The following GRM4 variants were observed in gnomAD, a reference collection of about 807,000 sequenced individuals.
GRM4 encodes metabotropic glutamate receptor 4.
Under a neutral mutation model 81.7 loss-of-function variants are expected in GRM4, and 28 were observed. The ratio of observed to expected loss-of-function variants is 0.34; its 90% CI spans 0.25 to 0.47. The LOEUF is 0.47. Ranked by LOEUF, GRM4 falls within the 20% of genes least tolerant of loss-of-function variation. The probability of loss-of-function intolerance (pLI) is 1.00; values close to 1 mark genes in which losing one functional copy is unlikely to be tolerated. For synonymous variants in GRM4, 488 were observed against 528.8 expected, an observed-to-expected ratio of 0.92 and a Z score of 1.06; for missense variants, 948 against 1,290.0, an observed-to-expected ratio of 0.73 and a Z score of 4.06.
Position 34,035,777 on chromosome 6 carries a change from G to A in GRM4, c.2333C>T (p.Pro778Leu). Residue 778 changes from proline to leucine, a missense_variant, in exon 9 of 11, where the codon CCC becomes CTC. Transcript: ENST00000538487. The surrounding 1 kb of genome is among the most constrained non-coding windows in gnomAD (Gnocchi z 6.6). ...TVYAIKTRGV[P>L]ETFNEAKPIG... ...GGGCTTGGCCTCATTGAAGGTCTCG[G>A]GCACGCCGCGTGTCTTGATGGCATA... The A allele has an allele frequency of 6.2e-7, 1 of 1,613,700 alleles. No individual in the cohort carries two copies. The highest frequency in any genetic ancestry group is 8.5e-7 in the Non-Finnish European group (1 of 1,179,614).
At chr6:34,117,172 T>C (rs1401547869) in intron 2 of GRM4, among the ~76,000 whole-genome samples, 1 of 151,974 alleles carries the variant, frequency 6.6e-6, no homozygotes, top group African/African-American at 2.4e-5. Flanking sequence ...TAAAGAAAAA[T>C]GTAAAGGAAT....
In GRM4 at chr6:34,130,535, C is replaced by T. The variant is rs1242219846; in HGVS notation, c.519+2443G>A. ...GGCTCTTCACCCCAGGCCCCTCACC[C>T]CACCCTGGCCCTTCCCCATGCTGGG... On this transcript the variant is annotated intron_variant, in intron 2 of 10. Transcript: ENST00000538487. The surrounding 1 kb of genome is among the most constrained non-coding windows in gnomAD (Gnocchi z 4.1). 6.6e-6 allele frequency among the ~76,000 whole-genome samples: 1 copy of T among 152,250 alleles called. No individual in the cohort carries two copies. Among genetic ancestry groups the T allele is most frequent in the Non-Finnish European group, 1.5e-5 (1 of 68,046 alleles).
At chr6:34,095,401 T>C (rs1768466073) in intron 2 of GRM4, among the ~76,000 whole-genome samples, 2 of 152,158 alleles carry the variant, frequency 1.3e-5, no homozygotes, top group Non-Finnish European at 2.9e-5. Context: ...GGAGCTATAC[T>C]GCTTAAGTTC....
intron 3 of GRM4, among the ~76,000 whole-genome samples, chr6:34,076,903 C>G (rs1443477431): frequency 6.6e-6 from 1 of 151,968 alleles, no homozygotes; most frequent in Admixed American, 6.6e-5. Flanking sequence ...AAGACAGGAA[C>G]CAGGTAGGGA....
Position 34,019,988 on chromosome 6 carries a change from A to C in GRM4, c.*2833T>G, listed in dbSNP as rs377009652. 3.8e-4 allele frequency: 58 copies of C among 152,448 alleles called. No homozygotes were observed. Among genetic ancestry groups the C allele is most frequent in the African/African-American group, 1.2e-3 (49 of 41,544 alleles). The allele number at this position is 152,448 out of a possible 1,614,324, so 9.4% of individuals were successfully genotyped here. On this transcript the variant is annotated 3_prime_UTR_variant, in exon 11 of 11. Coordinates refer to ENST00000538487, the MANE Select transcript of GRM4 (RefSeq NM_000841.4). ...CCCTCCCAACTGCTGCAGCAGGTCTAGCTGGCAAAAGTCTTGCTAGGGCCT... is the reference window on the plus strand; with the variant it reads ...CCCTCCCAACTGCTGCAGCAGGTCTCGCTGGCAAAAGTCTTGCTAGGGCCT...
rs76050314 is a variant in GRM4, at chr6:34,112,547, G to A, written c.519+20431C>T. Among the ~76,000 whole-genome samples, 1,449 of 152,264 alleles carry A rather than the reference G, an allele frequency of 9.5e-3. 28 individuals carry two copies. The highest frequency in any genetic ancestry group is 0.032 in the African/African-American group (1,348 of 41,546). On this transcript the variant is annotated intron_variant, in intron 2 of 10. Transcript: ENST00000538487. The stretch of plus-strand genomic sequence containing the variant: ...GGGGACTCACCAGTTTCTCTGTGGG[G>A]GAGAGAAGGGCCTGAGTGTGGAAGG...
chr6:34,019,271 G>C lies in GRM4; in HGVS notation c.*3550C>G, dbSNP rs1295931616. 6.6e-6 allele frequency: 1 copy of C among 152,276 alleles called. No individual in the cohort carries two copies. Among genetic ancestry groups the C allele is most frequent in the Non-Finnish European group, 1.5e-5 (1 of 68,084 alleles). 9.4% of individuals were successfully genotyped at this position (152,276 alleles called of 1,614,324 possible). A position where few individuals can be genotyped will look rare whatever the true frequency, so the allele number is the denominator to read the frequency against. ...CTGCTCCTGAGGTGGGTCTCCCCAG[G>C]GTCCTAGGAGTTCCACAAAGGTGCC... On this transcript the variant is annotated 3_prime_UTR_variant, in exon 11 of 11. Coordinates refer to ENST00000538487, the MANE Select transcript of GRM4 (RefSeq NM_000841.4).
At chr6:34,023,312 A>G (rs1424833473) in intron 10 of GRM4, among the ~76,000 whole-genome samples, 8 of 152,214 alleles carry the variant, frequency 5.3e-5, no homozygotes, top group Admixed American at 3.3e-4. Flanking sequence ...ACCTTAAAAT[A>G]TTATCAAAGG....
chr6:34,060,042 G>C (rs1185191351), intron 4 of GRM4: 2 of 152,346 alleles, frequency 1.3e-5, no homozygotes, highest in Non-Finnish European at 2.9e-5. Context: ...CCAGGGCACA[G>C]ACTCCAGGGC....
intron 2 of GRM4, among the ~76,000 whole-genome samples, chr6:34,093,523 T>A (rs1257331039): frequency 6.6e-6 from 1 of 152,132 alleles, no homozygotes; most frequent in Non-Finnish European, 1.5e-5. Flanking sequence ...GGGACCATTC[T>A]CCACAGCGAT....
In GRM4 at chr6:34,090,924, G is replaced by A. The variant is rs998197965; in HGVS notation, c.736+959C>T. Among the ~76,000 whole-genome samples, 2 of 152,110 alleles carry A rather than the reference G, an allele frequency of 1.3e-5. No homozygotes were observed. Among genetic ancestry groups the A allele is most frequent in the African/African-American group, 2.4e-5 (1 of 41,398 alleles). On this transcript the variant is annotated intron_variant, in intron 3 of 10. Coordinates refer to ENST00000538487, the MANE Select transcript of GRM4 (RefSeq NM_000841.4). This position sits in a 1 kb window ranked among gnomAD's most constrained non-coding sequence, Gnocchi z 5.2. ...GGCAGACGGGCCCTCTCTGCAGGAG[G>A]TGGGTCTGCCAGGAGGGAGAAGGGC...
chr6:34,044,213 C>T (rs1037501605), intron 6 of GRM4, among the ~76,000 whole-genome samples: 10 of 139,922 alleles, frequency 7.1e-5, no homozygotes, highest in African/African-American at 3.0e-4. Flanking sequence ...TATATACATA[C>T]ATACACATAT....
At position 34,136,805 on chromosome 6, in the gene GRM4, T is replaced by C. The variant is rs954134947; in HGVS notation, c.-363-2946A>G. ...ACCAGGCCTGCCTTTTCTGAGCTTC[T>C]CCAGAGAGCTGGGCAAGCCACTGCC... On this transcript the variant is annotated intron_variant, in intron 1 of 10. Coordinates refer to ENST00000538487, the MANE Select transcript of GRM4 (RefSeq NM_000841.4). The surrounding 1 kb of genome is among the most constrained non-coding windows in gnomAD (Gnocchi z 4.1). 6.6e-6 allele frequency among the ~76,000 whole-genome samples: 1 copy of C among 152,060 alleles called. No homozygotes were observed. Among genetic ancestry groups the C allele is most frequent in the Admixed American group, 6.6e-5 (1 of 15,262 alleles).
intron 2 of GRM4, among the ~76,000 whole-genome samples, chr6:34,095,793 C>G (rs1561809706): frequency 6.6e-6 from 1 of 152,190 alleles, no homozygotes; most frequent in Non-Finnish European, 1.5e-5. Context: ...CTATTGGGCT[C>G]TCCAAGGCTC....
In GRM4 at chr6:34,080,873, C is replaced by T. The variant is rs972032720; in HGVS notation, c.736+11010G>A. 2.9e-5 allele frequency among the ~76,000 whole-genome samples: 4 copies of T among 137,230 alleles called. No homozygotes were observed. The highest frequency in any genetic ancestry group is 6.8e-5 in the Non-Finnish European group (4 of 59,046). The allele number at this position is 137,230 out of a possible 152,430, so 90.0% of individuals were successfully genotyped here. On this transcript the variant is annotated intron_variant, in intron 3 of 10. Coordinates refer to ENST00000538487, the MANE Select transcript of GRM4 (RefSeq NM_000841.4). This position sits in a 1 kb window ranked among gnomAD's most constrained non-coding sequence, Gnocchi z 5.4. ...ACACACACACATACACATACATATA[C>T]ACACACACACACACACAACCCTTAC...
At chr6:34,148,250 G>A (rs553822456), upstream of GRM4, among the ~76,000 whole-genome samples, 4 of 152,180 alleles carry the variant, frequency 2.6e-5, no homozygotes, top group East Asian at 1.9e-4. Flanking sequence ...CAAGCGCTCC[G>A]TCAGCGGCCC....
At chr6:34,102,060 G>C (rs1296858049) in intron 2 of GRM4, 2 of 1,535,504 alleles carry the variant, frequency 1.3e-6, no homozygotes, top group African/African-American at 2.7e-5. Flanking sequence ...GAAGTCCTAA[G>C]GGTCCTCTTT....
intron 2 of GRM4, among the ~76,000 whole-genome samples, chr6:34,117,630 C>T (rs1461134199): frequency 2.6e-5 from 4 of 152,174 alleles, no homozygotes; most frequent in Admixed American, 6.5e-5. Context: ...TCATCCGGCA[C>T]GTCTCTCCAG....
chr6:34,024,740 G>A (rs141561820), intron 10 of GRM4: 6,139 of 455,900 alleles, frequency 0.013, 69 homozygotes, highest in South Asian at 0.021. Flanking sequence ...TCAAGCAGAC[G>A]ATGAAGAATC....
Sources: allele counts gnomAD v4.1 joint callset (sites outside exome capture counted in the v4.1 genomes callset), GRCh38; gene constraint gnomAD v4.1.1; non-coding constraint Gnocchi (gnomAD v3.1); transcripts MANE v1.5; gene names NCBI Gene and HGNC (gene_info 2026-07-23, HGNC 2026-07-21).